The following DAAM2 variants were observed in gnomAD, a reference collection of about 807,000 sequenced individuals.
DAAM2 encodes the protein disheveled-associated activator of morphogenesis 2.
In DAAM2, 39 loss-of-function variants were observed where a neutral mutation model predicts 120.7. The observed-to-expected ratio is 0.32, with a 90% CI of 0.25 to 0.42. The LOEUF (loss-of-function observed/expected upper bound fraction) is 0.42, where lower values mean the gene tolerates loss of function less well. DAAM2 is among the 10% of genes least tolerant of loss of function. The pLI, the probability that DAAM2 is intolerant of heterozygous loss-of-function variation, is 1.00. For synonymous variants in DAAM2, 488 were observed against 524.9 expected, an observed-to-expected ratio of 0.93 and a Z score of 0.96; for missense variants, 1,283 against 1,401.7, an observed-to-expected ratio of 0.92 and a Z score of 1.35.
In DAAM2 at chr6:39,904,266, A is replaced by AAAG. The variant is rs1766656804; in HGVS notation, c.*2232_*2234dup. The AAAG allele has an allele frequency of 2.2e-6, 1 of 456,592 alleles. No individual in the cohort carries two copies. The highest frequency in any genetic ancestry group is 4.4e-6 in the Non-Finnish European group (1 of 226,952). 28.3% of individuals were successfully genotyped at this position (456,592 alleles called of 1,614,324 possible). A position where few individuals can be genotyped will look rare whatever the true frequency, so the allele number is the denominator to read the frequency against. ...TCCAGAGCTCAGCCTTCTCACTCTA[A>AAAG]AAGAAAGATATTTTTCTATTTATTT... On this transcript the variant is annotated 3_prime_UTR_variant, in exon 25 of 25. Transcript: ENST00000274867.
chr6:39,846,915 C>A (rs191783442), intron 1 of DAAM2, among the ~76,000 whole-genome samples: 11 of 152,288 alleles, frequency 7.2e-5, no homozygotes, highest in Admixed American at 6.5e-4. Flanking sequence ...GGAAAGGAGT[C>A]ACCCTGGATC....
intron 1 of DAAM2, among the ~76,000 whole-genome samples, chr6:39,845,064 C>A (rs187009205): frequency 6.9e-4 from 100 of 144,176 alleles, no homozygotes; most frequent in Middle Eastern, 7.8e-3. Context: ...TCAACTACAC[C>A]CTTACCACAC....
chr6:39,887,345 C>T, intron 15 of DAAM2, 141 bp from the exon 16 acceptor site: 2 of 606,424 alleles, frequency 3.3e-6, no homozygotes, highest in Non-Finnish European at 5.9e-6. Flanking sequence ...ATCCACCCTC[C>T]TCTCTCTCCT....
At chr6:39,875,797 T>C (rs1241417715) in intron 11 of DAAM2, among the ~76,000 whole-genome samples, 1 of 152,156 alleles carries the variant, frequency 6.6e-6, no homozygotes, top group East Asian at 1.9e-4. Context: ...CACAGGTGTA[T>C]TGGGCATGTT....
Position 39,845,292 on chromosome 6 carries a change from A to G in DAAM2, c.-56-10955A>G, listed in dbSNP as rs1196056314. On this transcript the variant is annotated intron_variant, in intron 1 of 24. Transcript: ENST00000274867. ...ACACATACACAAACCCCATCTATAC[A>G]CACATCACACAGATACCACGTGTAT... Among the ~76,000 whole-genome samples, 7 of 17,846 alleles carry G rather than the reference A, an allele frequency of 3.9e-4. No individual in the cohort carries two copies. In the East Asian group the frequency reaches 0.013, roughly 33 times the overall value. 11.7% of individuals were successfully genotyped at this position (17,846 alleles called of 152,430 possible). A position where few individuals can be genotyped will look rare whatever the true frequency, so the allele number is the denominator to read the frequency against.
In DAAM2 at chr6:39,867,793, C is replaced by T; in HGVS notation, c.712C>T (p.Gln238Ter). Reference sequence around the variant, plus strand: ...GCCTGGTGGCCACAAGAAGGTGCTGCAGGCCATGCTGCACTACCAGGTGTA... The same window carrying T: ...GCCTGGTGGCCACAAGAAGGTGCTGTAGGCCATGCTGCACTACCAGGTGTA... ...LVPGGHKKVL[Q>*]AMLHYQVYAA... is the part of the protein sequence containing the mutation. The change falls in exon 6 of 25, where the codon CAG becomes TAG. Residue 238 changes from glutamine (Q) to a stop codon, truncating the protein, a stop_gained. Transcript: ENST00000274867. LOFTEE classifies it high-confidence loss of function. 1 of 1,612,236 alleles carries T rather than the reference C, an allele frequency of 6.2e-7. No homozygotes were observed. Among genetic ancestry groups the T allele is most frequent in the Non-Finnish European group, 8.5e-7 (1 of 1,179,324 alleles).
At chr6:39,812,138 G>A (rs1762181942) in intron 1 of DAAM2, among the ~76,000 whole-genome samples, 1 of 152,180 alleles carries the variant, frequency 6.6e-6, no homozygotes, top group Non-Finnish European at 1.5e-5. Context: ...CGGACCCCGG[G>A]AGCTAGGTCT....
rs112533175 is a variant in DAAM2 at position 39,878,668 on chromosome 6, G to A, written c.1545+80G>A. The stretch of plus-strand genomic sequence containing the variant: ...CTGGGTGGGCAGAGCAGGTGTCGGA[G>A]AGGCCAAGGACCCCAGCATGAGGGA... On this transcript the variant is annotated intron_variant, in intron 13 of 24. Transcript: ENST00000274867. This position sits in a 1 kb window ranked among gnomAD's most constrained non-coding sequence, Gnocchi z 5.0. 3 of 1,418,522 alleles carry A rather than the reference G, an allele frequency of 2.1e-6. No homozygotes were observed. The highest frequency in any genetic ancestry group is 1.4e-5 in the South Asian group (1 of 72,540). 87.9% of individuals were successfully genotyped at this position (1,418,522 alleles called of 1,614,324 possible).
In DAAM2 at chr6:39,821,870, T is replaced by G. The variant is rs149650324; in HGVS notation, c.-57+29405T>G. On this transcript the variant is annotated intron_variant, in intron 1 of 24. Coordinates refer to ENST00000274867, the MANE Select transcript of DAAM2 (RefSeq NM_001201427.2). ...AGGGTGAAATGAGTGACCCTGTGAGTGTATCTCAGGAGGAGACTTGGACCA... is the reference window on the plus strand; with the variant it reads ...AGGGTGAAATGAGTGACCCTGTGAGGGTATCTCAGGAGGAGACTTGGACCA... 20 of 152,362 alleles carry G rather than the reference T, an allele frequency of 1.3e-4. 1 individual carries two copies. In the East Asian group the frequency reaches 3.9e-3, roughly 29 times the overall value. 9.4% of individuals were successfully genotyped at this position (152,362 alleles called of 1,614,324 possible).
chr6:39,818,182 T>TAAAAA (rs752326154), intron 1 of DAAM2, among the ~76,000 whole-genome samples: 1 of 85,844 alleles, frequency 1.2e-5, no homozygotes, highest in Non-Finnish European at 2.2e-5. Flanking sequence ...GCATCTCAAT[T>TAAAAA]AAAAAAAAAA....
At chr6:39,814,190 T>TTC (rs200548904) in intron 1 of DAAM2, among the ~76,000 whole-genome samples, 9 of 37,522 alleles carry the variant, frequency 2.4e-4, no homozygotes, top group South Asian at 1.5e-3. Context: ...CTTTCTTTCT[T>TTC]TTTTTTTTTT....
chr6:39,808,434 C>T (rs931103568), intron 1 of DAAM2, among the ~76,000 whole-genome samples: 8 of 152,206 alleles, frequency 5.3e-5, no homozygotes, highest in African/African-American at 1.7e-4. Context: ...ACTGCCTTGT[C>T]GCCATGAAGT....
At chr6:39,813,665 C>T (rs747984050) in intron 1 of DAAM2, among the ~76,000 whole-genome samples, 2 of 152,154 alleles carry the variant, frequency 1.3e-5, no homozygotes, top group Non-Finnish European at 2.9e-5. Context: ...GAGCCCATCA[C>T]GGGGCACTGA....
chr6:39,823,751 A>T (rs1762569627), intron 1 of DAAM2, among the ~76,000 whole-genome samples: 1 of 152,176 alleles, frequency 6.6e-6, no homozygotes, highest in Non-Finnish European at 1.5e-5. Flanking sequence ...GGGCTGTATC[A>T]TGCTAGCCTG....
Position 39,901,489 on chromosome 6 carries a change from G to T in DAAM2, c.2982+17G>T. 1 of 1,597,402 alleles carries T rather than the reference G, an allele frequency of 6.3e-7. No individual in the cohort carries two copies. The highest frequency in any genetic ancestry group is 1.1e-5 in the South Asian group (1 of 90,232). On this transcript the variant is annotated intron_variant, in intron 24 of 24. Coordinates refer to ENST00000274867, the MANE Select transcript of DAAM2 (RefSeq NM_001201427.2). The surrounding 1 kb of genome is among the most constrained non-coding windows in gnomAD (Gnocchi z 4.5). ...GAAGCCATGGTGAGGGGCAGTGCCAGGCCTGGGACTGAGGGGAGACGGGTG... is the reference window on the plus strand; with the variant it reads ...GAAGCCATGGTGAGGGGCAGTGCCATGCCTGGGACTGAGGGGAGACGGGTG...
At chr6:39,818,467 T>C (rs899002006) in intron 1 of DAAM2, among the ~76,000 whole-genome samples, 6 of 152,222 alleles carry the variant, frequency 3.9e-5, no homozygotes, top group Admixed American at 2.0e-4. Flanking sequence ...CTGTGGTATT[T>C]TGACGTTAAT....
intron 1 of DAAM2, among the ~76,000 whole-genome samples, chr6:39,814,204 C>T (rs577740099): frequency 4.2e-5 from 6 of 141,972 alleles, no homozygotes; most frequent in South Asian, 2.2e-4. Flanking sequence ...TTTTTTTTCT[C>T]GCTCATCAGC....
intron 1 of DAAM2, among the ~76,000 whole-genome samples, chr6:39,837,663 CAA>C (rs758751293): frequency 1.5e-4 from 6 of 41,202 alleles, no homozygotes; most frequent in Admixed American, 3.2e-4. Flanking sequence ...AACTCCATCT[CAA>C]AAAAAAAAAA....
At chr6:39,864,863 TA>T in intron 4 of DAAM2, 116 bp from the exon 5 acceptor site, 1 of 1,301,054 alleles carries the variant, frequency 7.7e-7, no homozygotes, top group Non-Finnish European at 1.1e-6. Flanking sequence ...TCGGTCTCAG[TA>T]AACCATTCCC....
Sources: allele counts gnomAD v4.1 joint callset (sites outside exome capture counted in the v4.1 genomes callset), GRCh38; gene constraint gnomAD v4.1.1; non-coding constraint Gnocchi (gnomAD v3.1); transcripts MANE v1.5; gene names NCBI Gene and HGNC (gene_info 2026-07-23, HGNC 2026-07-21).